Variants in ENOX1 observed in about 807,000 individuals in gnomAD.
ENOX1 encodes ecto-NOX disulfide-thiol exchanger 1.
Under a neutral mutation model 82.5 loss-of-function variants are expected in ENOX1, and 42 were observed. That is an observed-to-expected ratio of 0.51 (90% CI 0.40 to 0.66). The LOEUF is 0.66. Among genes scored for constraint, ENOX1 ranks in the 30% least tolerant of loss-of-function variants. The pLI is 0.00. For missense variants in ENOX1, 608 were observed against 811.6 expected (o/e 0.75, Z 3.05); for synonymous variants, 271 against 282.2 (o/e 0.96, Z 0.40).
chr13:43,571,890 G>A (rs1267702839), intron 2 of ENOX1, among the ~76,000 whole-genome samples: 1 of 152,070 alleles, frequency 6.6e-6, no homozygotes, highest in Non-Finnish European at 1.5e-5. Context: ...GACAAGCGGT[G>A]GGGCGGTGGG....
chr13:43,388,576 T>C (rs2052576194), intron 5 of ENOX1, among the ~76,000 whole-genome samples: 2 of 152,180 alleles, frequency 1.3e-5, no homozygotes, highest in African/African-American at 4.8e-5. Context: ...TAACACCACC[T>C]GGGATGTGGA....
At chr13:43,724,258 TACC>T (rs1398711312) in intron 1 of ENOX1, among the ~76,000 whole-genome samples, 2 of 152,310 alleles carry the variant, frequency 1.3e-5, no homozygotes, top group African/African-American at 4.8e-5. Context: ...GCATGAAAGG[TACC>T]ACATGTTTCT....
chr13:43,365,398 G>A (rs535158349), intron 5 of ENOX1, among the ~76,000 whole-genome samples: 1 of 152,302 alleles, frequency 6.6e-6, no homozygotes, highest in African/African-American at 2.4e-5. Flanking sequence ...CAGTAATCAG[G>A]CTAAATGGCT....
At chr13:43,539,788 C>T (rs2078630437) in intron 2 of ENOX1, among the ~76,000 whole-genome samples, 1 of 152,102 alleles carries the variant, frequency 6.6e-6, no homozygotes, top group East Asian at 1.9e-4. Flanking sequence ...CTGAATTTTC[C>T]TGTTTCTCCT....
chr13:43,373,888 G>A (rs2051421618), intron 5 of ENOX1, among the ~76,000 whole-genome samples: 1 of 152,152 alleles, frequency 6.6e-6, no homozygotes, highest in African/African-American at 2.4e-5. Flanking sequence ...AATATACTTG[G>A]AGGAGCATTC....
rs769737189 is a variant in ENOX1 at position 43,641,529 on chromosome 13, A to ATTTTTTTTT, written c.-219+25941_-219+25949dup. Among the ~76,000 whole-genome samples, 156 of 83,118 alleles carry ATTTTTTTTT rather than the reference A, an allele frequency of 1.9e-3. 9 individuals are homozygous for ATTTTTTTTT. Among genetic ancestry groups the ATTTTTTTTT allele is most frequent in the Non-Finnish European group, 2.1e-3 (101 of 48,070 alleles). The allele number at this position is 83,118 out of a possible 152,430, so 54.5% of individuals were successfully genotyped here. The stretch of plus-strand genomic sequence containing the variant: ...AGTAACAGAGTAACATTAATTTTTA[A>ATTTTTTTTT]TTTTTTTTTTTTTTTTTTTTTTTTG... On this transcript the variant is annotated intron_variant, in intron 2 of 16. Transcript: ENST00000690772.
chr13:43,259,429 C>T (rs1566358653), intron 14 of ENOX1, among the ~76,000 whole-genome samples: 1 of 152,156 alleles, frequency 6.6e-6, no homozygotes, highest in Non-Finnish European at 1.5e-5. Context: ...TGGTCCCAAG[C>T]TAGTGCTTGC....
intron 1 of ENOX1, among the ~76,000 whole-genome samples, chr13:43,730,393 G>A (rs757447930): frequency 6.6e-6 from 1 of 152,054 alleles, no homozygotes; most frequent in Non-Finnish European, 1.5e-5. Flanking sequence ...GCCAAACAAG[G>A]ACTTGGGGGT....
At chr13:43,749,924 C>G (rs532357236) in intron 1 of ENOX1, among the ~76,000 whole-genome samples, 1 of 152,106 alleles carries the variant, frequency 6.6e-6, no homozygotes, top group Admixed American at 6.6e-5. Context: ...ATATTAGAGT[C>G]AAATTATGAT....
At chr13:43,323,649 G>A (rs1303914207) in intron 10 of ENOX1, among the ~76,000 whole-genome samples, 2 of 152,124 alleles carry the variant, frequency 1.3e-5, no homozygotes, top group South Asian at 2.1e-4. Context: ...AACAGGGGAA[G>A]CCTCCATTAT....
At position 43,536,084 on chromosome 13, in the gene ENOX1, G is replaced by A. The variant is rs1357310831; in HGVS notation, c.-218-51932C>T. Reference sequence around the variant, plus strand: ...AGGAAAAATTACTTGGAAGGTAAAAGCCCTATTAAATGCCATCTTTTTTTG... The same window carrying A: ...AGGAAAAATTACTTGGAAGGTAAAAACCCTATTAAATGCCATCTTTTTTTG... On this transcript the variant is annotated intron_variant, in intron 2 of 16. Transcript: ENST00000690772. 2.0e-5 allele frequency among the ~76,000 whole-genome samples: 3 copies of A among 152,270 alleles called. No homozygotes were observed. The East Asian group carries it at 5.8e-4, about 29-fold the overall frequency.
intron 3 of ENOX1, among the ~76,000 whole-genome samples, chr13:43,468,276 G>A (rs1214246017): frequency 2.0e-5 from 3 of 151,758 alleles, no homozygotes; most frequent in Admixed American, 6.6e-5. Flanking sequence ...CCGCCTCCTG[G>A]GTTCAAGCAA....
At chr13:43,356,478 C>G (rs929302127) in intron 7 of ENOX1, among the ~76,000 whole-genome samples, 7 of 152,132 alleles carry the variant, frequency 4.6e-5, no homozygotes, top group African/African-American at 1.7e-4. Context: ...TTCTCCCTGG[C>G]TTCTAGGAAG....
chr13:43,432,967 G>A (rs979778573), intron 3 of ENOX1, among the ~76,000 whole-genome samples: 2 of 152,030 alleles, frequency 1.3e-5, no homozygotes, highest in African/African-American at 2.4e-5. Flanking sequence ...TGGTGTCAAC[G>A]TAGGCTTATC....
At chr13:43,455,530 T>C (rs968841458) in intron 3 of ENOX1, among the ~76,000 whole-genome samples, 3 of 152,204 alleles carry the variant, frequency 2.0e-5, no homozygotes, top group African/African-American at 7.2e-5. Flanking sequence ...TGTCTCTGAA[T>C]CATTTTTTTC....
At chr13:43,319,651 C>T (rs1316946442) in intron 11 of ENOX1, among the ~76,000 whole-genome samples, 2 of 152,098 alleles carry the variant, frequency 1.3e-5, no homozygotes, top group Non-Finnish European at 2.9e-5. Flanking sequence ...ACAGACAGAG[C>T]GCCCTGCAGT....
chr13:43,561,985 AAGAG>A (rs1566531281), intron 2 of ENOX1, among the ~76,000 whole-genome samples: 2 of 139,208 alleles, frequency 1.4e-5, no homozygotes, highest in Admixed American at 7.1e-5. Flanking sequence ...GGAAGGAAGG[AAGAG>A]AGAGAGGGAG....
chr13:43,444,357 TGGA>T (rs1291171945), intron 3 of ENOX1, among the ~76,000 whole-genome samples: 1 of 152,022 alleles, frequency 6.6e-6, no homozygotes, highest in Non-Finnish European at 1.5e-5. Context: ...CTGGTGTGAG[TGGA>T]GGTGAAGGCT....
At chr13:43,737,751 C>G (rs2089702819) in intron 1 of ENOX1, among the ~76,000 whole-genome samples, 1 of 152,154 alleles carries the variant, frequency 6.6e-6, no homozygotes, top group South Asian at 2.1e-4. Flanking sequence ...TGTCATCAAA[C>G]AAGTCATAAT....
Sources: allele counts gnomAD v4.1 joint callset (sites outside exome capture counted in the v4.1 genomes callset), GRCh38; gene constraint gnomAD v4.1.1; transcripts MANE v1.5; gene names NCBI Gene and HGNC (gene_info 2026-07-23, HGNC 2026-07-21).